Variants in TLL1 observed in about 807,000 individuals in gnomAD.
TLL1 encodes tolloid-like protein 1.
A neutral mutation model predicts 128.2 loss-of-function variants in TLL1; 49 were observed. The observed-to-expected ratio is 0.38, with a 90% CI of 0.30 to 0.48. The LOEUF is 0.48. TLL1 is among the 20% of genes least tolerant of loss of function. TLL1 has a pLI of 0.96. For missense variants in TLL1, 1,123 were observed against 1,242.0 expected, an observed-to-expected ratio of 0.90 and a Z score of 1.44; for synonymous variants, 454 against 418.8, an observed-to-expected ratio of 1.08 and a Z score of -1.03.
In TLL1 at chr4:165,944,466, A is replaced by G. The variant is rs541886880; in HGVS notation, c.170-44915A>G. Among the ~76,000 whole-genome samples, 4 of 152,294 alleles carry G rather than the reference A, an allele frequency of 2.6e-5. No homozygotes were observed. In the East Asian group the frequency reaches 7.7e-4, roughly 29 times the overall value. ...GGAAGACCAGTGTTTCTGGAGCATA[A>G]TGGGTGGCAGGACTATGGCATGAGG... On this transcript the variant is annotated intron_variant, in intron 1 of 20. Transcript: ENST00000061240.
In TLL1 at chr4:165,994,518, G is replaced by A. The variant is rs757327489; in HGVS notation, c.499G>A (p.Gly167Arg). 3.2e-5 allele frequency: 51 copies of A among 1,613,766 alleles called. No homozygotes were observed. The highest frequency in any genetic ancestry group is 4.1e-5 in the Non-Finnish European group (48 of 1,179,888). ...TGGAGGCGTTATTCCTTATGTTATA[G>A]GAGGAAACTTCACTGGTAAGATACT... ...WPGGVIPYVI[G>R]GNFTGSQRAM... is the part of the protein sequence containing the mutation. Residue 167 changes from glycine to arginine, a missense_variant, in exon 4 of 21, where the codon GGA becomes AGA. Gly to Arg is a moderately radical substitution (Grantham distance 125, BLOSUM62 -2). This residue lies in a region of TLL1 where 480 missense variants were observed against 542.4 expected (regional missense o/e 0.89). Transcript: ENST00000061240.
chr4:166,015,226 C>T (rs1023906862), intron 8 of TLL1, among the ~76,000 whole-genome samples: 3 of 151,930 alleles, frequency 2.0e-5, no homozygotes, highest in African/African-American at 4.8e-5. Context: ...TTTGAAATAT[C>T]CTACAGCAAA....
intron 2 of TLL1, among the ~76,000 whole-genome samples, chr4:165,991,418 G>A (rs2111013046): frequency 6.6e-6 from 1 of 152,066 alleles, no homozygotes; most frequent in South Asian, 2.1e-4. Context: ...CATCATTGAT[G>A]CCATACTTTT....
chr4:165,961,844 T>A (rs1028269534), intron 1 of TLL1, among the ~76,000 whole-genome samples: 11 of 152,306 alleles, frequency 7.2e-5, no homozygotes, highest in African/African-American at 1.4e-4. Flanking sequence ...GAATTAAGTG[T>A]AAACACAATT....
At chr4:166,038,977 G>A (rs2111089012) in intron 9 of TLL1, among the ~76,000 whole-genome samples, 1 of 152,150 alleles carries the variant, frequency 6.6e-6, no homozygotes, top group African/African-American at 2.4e-5. Flanking sequence ...AATTCTTCAT[G>A]GCTCAAGCCA....
chr4:165,969,146 C>A (rs543363304), intron 1 of TLL1, among the ~76,000 whole-genome samples: 1 of 151,870 alleles, frequency 6.6e-6, no homozygotes, highest in East Asian at 1.9e-4. Flanking sequence ...TTTTGATAAC[C>A]GTGGGACGTT....
rs190398363 is a variant in TLL1, at chr4:166,096,909, A to G, written c.2657-2368A>G. 5.3e-5 allele frequency among the ~76,000 whole-genome samples: 8 copies of G among 152,146 alleles called. No homozygotes were observed. In the East Asian group the frequency reaches 1.4e-3, roughly 26 times the overall value. On this transcript the variant is annotated intron_variant, in intron 19 of 20. Coordinates refer to ENST00000061240, the MANE Select transcript of TLL1 (RefSeq NM_012464.5). ...TAATAGTGCTTTAAATTGTTGTTCA[A>G]TTTTCCTGGTTTTTCATTTCATACC...
chr4:166,024,468 C>T (rs575889463), intron 8 of TLL1, among the ~76,000 whole-genome samples: 1 of 152,198 alleles, frequency 6.6e-6, no homozygotes, highest in South Asian at 2.1e-4. Context: ...GGACTGGCTG[C>T]AGTGGAGGAA....
chr4:166,026,514 C>G (rs1317876329), intron 9 of TLL1, among the ~76,000 whole-genome samples: 3 of 152,100 alleles, frequency 2.0e-5, no homozygotes, highest in Non-Finnish European at 2.9e-5. Context: ...TGGTGAAGCC[C>G]CATCTCTACA....
chr4:165,925,345 G>C (rs1048208799), intron 1 of TLL1, among the ~76,000 whole-genome samples: 1 of 152,132 alleles, frequency 6.6e-6, no homozygotes, highest in African/African-American at 2.4e-5. Flanking sequence ...AACAGGATTT[G>C]GAAGAAGTTG....
chr4:165,899,636 T>TTCCAA (rs1731861046), intron 1 of TLL1, among the ~76,000 whole-genome samples: 1 of 152,194 alleles, frequency 6.6e-6, no homozygotes, highest in South Asian at 2.1e-4. Context: ...AGTGCTTTAC[T>TTCCAA]TCCAATTCTG....
At chr4:165,968,779 T>C (rs1735506776) in intron 1 of TLL1, among the ~76,000 whole-genome samples, 1 of 152,254 alleles carries the variant, frequency 6.6e-6, no homozygotes, top group African/African-American at 2.4e-5. Context: ...ATTGTTGTAG[T>C]AGTTCATCTT....
At chr4:166,020,852 T>C (rs533494357) in intron 8 of TLL1, among the ~76,000 whole-genome samples, 1 of 152,346 alleles carries the variant, frequency 6.6e-6, no homozygotes, top group Admixed American at 6.5e-5. Context: ...AGGATTAGAA[T>C]CTCTATTGTT....
intron 1 of TLL1, among the ~76,000 whole-genome samples, chr4:165,883,742 A>G (rs1015021277): frequency 6.6e-6 from 1 of 152,170 alleles, no homozygotes; most frequent in Admixed American, 6.5e-5. Flanking sequence ...ATGCGTAAAA[A>G]CATTTCATAT....
At chr4:166,052,090 A>G (rs1739766838) in intron 12 of TLL1, among the ~76,000 whole-genome samples, 1 of 152,198 alleles carries the variant, frequency 6.6e-6, no homozygotes, top group African/African-American at 2.4e-5. Flanking sequence ...CAGGCAATAT[A>G]TAAATTATCC....
Position 166,055,071 on chromosome 4 carries a change from T to C in TLL1, c.1525-5T>C, listed in dbSNP as rs1184634027. On this transcript the variant is annotated splice_polypyrimidine_tract_variant and splice_region_variant and intron_variant, in intron 12 of 20. Transcript: ENST00000061240. ...TATATTTTCACATATTTTTTTCTGT[T>C]GCAGATTGAAAGACATGACAATTGT... 6.2e-7 allele frequency: 1 copy of C among 1,608,898 alleles called. No homozygotes were observed.
chr4:166,002,079 A>G (rs1386032354), intron 5 of TLL1, among the ~76,000 whole-genome samples: 2 of 152,158 alleles, frequency 1.3e-5, no homozygotes, highest in Non-Finnish European at 2.9e-5. Flanking sequence ...TGGCTTTTAA[A>G]CAACAAACAT....
intron 1 of TLL1, among the ~76,000 whole-genome samples, chr4:165,968,042 C>T (rs529111994): frequency 1.5e-4 from 23 of 152,210 alleles, no homozygotes; most frequent in Admixed American, 2.0e-4. Context: ...TTACAAGGGG[C>T]GAACCACCCT....
At chr4:165,889,962 G>T (rs1579445558) in intron 1 of TLL1, among the ~76,000 whole-genome samples, 1 of 152,188 alleles carries the variant, frequency 6.6e-6, no homozygotes, top group East Asian at 1.9e-4. Flanking sequence ...AACTTATAAA[G>T]GAAAGAGGTT....
Sources: allele counts gnomAD v4.1 joint callset (sites outside exome capture counted in the v4.1 genomes callset), GRCh38; gene constraint gnomAD v4.1.1; regional missense constraint gnomAD v4.1.1; transcripts MANE v1.5; gene names NCBI Gene and HGNC (gene_info 2026-07-23, HGNC 2026-07-21).